RBFOX1: variants seen among roughly 807,000 people sequenced by gnomAD.
RBFOX1 encodes RNA binding fox-1 homolog 1.
In RBFOX1, 8 loss-of-function variants were observed where a neutral mutation model predicts 57.7. That is an observed-to-expected ratio of 0.14 (90% confidence interval 0.08 to 0.25). RBFOX1 has a LOEUF of 0.25. Among genes scored for constraint, RBFOX1 ranks in the 10% least tolerant of loss-of-function variants. RBFOX1 has a pLI of 1.00. For missense variants in RBFOX1, 611 were observed against 548.5 expected (o/e 1.11, Z -1.14); for synonymous variants, 326 against 222.4 (o/e 1.47, Z -4.15).
intron 3 of RBFOX1, among the ~76,000 whole-genome samples, chr16:5,747,392 G>A: frequency 6.6e-6 from 1 of 152,150 alleles, no homozygotes; most frequent in Non-Finnish European, 1.5e-5. Context: ...GATGACGCTG[G>A]CCTCATAAAA....
intron 1 of RBFOX1, among the ~76,000 whole-genome samples, chr16:5,280,165 G>A (rs1480058765): frequency 1.3e-5 from 2 of 152,214 alleles, no homozygotes; most frequent in African/African-American, 4.8e-5. Flanking sequence ...GTTTTACTGA[G>A]TGATTTTTCT....
chr16:6,601,818 G>A (rs185569319), intron 2 of RBFOX1, among the ~76,000 whole-genome samples: 89 of 152,290 alleles, frequency 5.8e-4, no homozygotes, highest in African/African-American at 1.9e-3. Context: ...AGTGCTGCCC[G>A]CATGGAATTG....
chr16:7,676,986 C>G (rs190838972), intron 14 of RBFOX1, 148 bp downstream of exon 14: 12,036 of 708,372 alleles, frequency 0.017, 173 homozygotes, highest in Non-Finnish European at 0.02. Context: ...AACGTGAACT[C>G]AAGTCCCCAT....
chr16:7,190,705 C>G (rs1302932790), intron 4 of RBFOX1, among the ~76,000 whole-genome samples: 1 of 147,880 alleles, frequency 6.8e-6, no homozygotes, highest in Non-Finnish European at 1.5e-5. Flanking sequence ...CATCAACAAA[C>G]AGATCCACTG....
At chr16:6,296,506 C>T (rs1057073165) in intron 1 of RBFOX1, among the ~76,000 whole-genome samples, 15 of 151,738 alleles carry the variant, frequency 9.9e-5, no homozygotes, top group South Asian at 8.3e-4. Flanking sequence ...CTGCAAGCTC[C>T]GCCTCCCGGG....
At chr16:5,358,160 G>A (rs888991912) in intron 1 of RBFOX1, among the ~76,000 whole-genome samples, 6 of 151,888 alleles carry the variant, frequency 4.0e-5, no homozygotes, top group Non-Finnish European at 8.8e-5. Context: ...GCAACCTTTG[G>A]CTTGCCGTTC....
At position 7,155,728 on chromosome 16, in the gene RBFOX1, T is replaced by C. The variant is rs1195629188; in HGVS notation, c.27+103630T>C. ...AAAAAAAAAAATATATATATATATA[T>C]ATATATATATACACACACACACACA... On this transcript the variant is annotated intron_variant, in intron 4 of 15. Coordinates refer to ENST00000550418, the MANE Select transcript of RBFOX1 (RefSeq NM_018723.4). 3.4e-3 allele frequency among the ~76,000 whole-genome samples: 341 copies of C among 101,288 alleles called. 3 individuals carry two copies. The highest frequency in any genetic ancestry group is 0.013 in the African/African-American group (236 of 18,428). 66.4% of individuals were successfully genotyped at this position (101,288 alleles called of 152,430 possible).
At chr16:5,382,424 C>A (rs992080177) in intron 1 of RBFOX1, among the ~76,000 whole-genome samples, 1 of 151,106 alleles carries the variant, frequency 6.6e-6, no homozygotes, top group East Asian at 1.9e-4. Flanking sequence ...GTTGCCAACA[C>A]TATTTTTAAG....
chr16:5,330,213 C>CAGTTGCATAG (rs2064712423), intron 1 of RBFOX1, among the ~76,000 whole-genome samples: 1 of 152,138 alleles, frequency 6.6e-6, no homozygotes, highest in Admixed American at 6.5e-5. Context: ...TAGTCCATTG[C>CAGTTGCATAG]AGTTGCATAG....
At chr16:6,387,871 G>C (rs567770939) in intron 2 of RBFOX1, among the ~76,000 whole-genome samples, 39 of 151,920 alleles carry the variant, frequency 2.6e-4, no homozygotes, top group Admixed American at 3.3e-4. Flanking sequence ...CAAGTGTGTG[G>C]CTTCCACCTG....
At chr16:5,613,701 T>C (rs552148316) in intron 3 of RBFOX1, among the ~76,000 whole-genome samples, 1 of 152,196 alleles carries the variant, frequency 6.6e-6, no homozygotes, top group South Asian at 2.1e-4. Flanking sequence ...CATCACTGAG[T>C]GGAAAGCTCA....
Position 5,474,642 on chromosome 16 carries a change from G to A in RBFOX1, c.258+7388G>A, listed in dbSNP as rs150110686. On this transcript the variant is annotated intron_variant, in intron 2 of 2. Coordinates refer to the RBFOX1 transcript ENST00000585867. The stretch of plus-strand genomic sequence containing the variant: ...GCACTCCAGCCTGGGGGACAAGAGC[G>A]AGACTTCGTCTCAAAAAAAAAAAAA... Among the ~76,000 whole-genome samples, 1,130 of 151,196 alleles carry A rather than the reference G, an allele frequency of 7.5e-3. 13 individuals are homozygous for A. The highest frequency in any genetic ancestry group is 0.026 in the African/African-American group (1,060 of 41,032).
At chr16:6,063,055 T>C (rs1284078619) in intron 1 of RBFOX1, among the ~76,000 whole-genome samples, 1 of 152,204 alleles carries the variant, frequency 6.6e-6, no homozygotes, top group African/African-American at 2.4e-5. Context: ...GCTGTGATGA[T>C]AGATGTCATT....
intron 4 of RBFOX1, among the ~76,000 whole-genome samples, chr16:5,972,923 A>G (rs1275663211): frequency 6.6e-6 from 1 of 152,196 alleles, no homozygotes; most frequent in Non-Finnish European, 1.5e-5. Flanking sequence ...GCTTTTCCAC[A>G]GACAAAAACA....
intron 3 of RBFOX1, among the ~76,000 whole-genome samples, chr16:6,858,620 C>A (rs776539212): frequency 1.3e-5 from 2 of 152,016 alleles, no homozygotes; most frequent in Non-Finnish European, 2.9e-5. Flanking sequence ...GAGACTCAGA[C>A]GATTTCATTT....
chr16:7,544,287 A>C (rs762625636), intron 5 of RBFOX1, among the ~76,000 whole-genome samples: 1 of 152,210 alleles, frequency 6.6e-6, no homozygotes, highest in Non-Finnish European at 1.5e-5. Context: ...TGTGTGTCTG[A>C]TTACTTACTG....
chr16:7,087,326 G>T (rs1453569803), intron 4 of RBFOX1, among the ~76,000 whole-genome samples: 1 of 152,130 alleles, frequency 6.6e-6, no homozygotes, highest in African/African-American at 2.4e-5. Flanking sequence ...TGGGGCTTCC[G>T]TGAATCTCCC....
chr16:7,632,417 G>A (rs2061124294), intron 11 of RBFOX1, among the ~76,000 whole-genome samples: 1 of 152,130 alleles, frequency 6.6e-6, no homozygotes, highest in Non-Finnish European at 1.5e-5. Flanking sequence ...ATTTTCACAT[G>A]TCCAGCCTTG....
chr16:5,964,553 G>A (rs1227561747), intron 4 of RBFOX1, among the ~76,000 whole-genome samples: 1 of 151,758 alleles, frequency 6.6e-6, no homozygotes, highest in African/African-American at 2.4e-5. Context: ...AGATATATAT[G>A]TATATGTGTA....
Sources: allele counts gnomAD v4.1 joint callset (sites outside exome capture counted in the v4.1 genomes callset), GRCh38; gene constraint gnomAD v4.1.1; transcripts MANE v1.5; gene names NCBI Gene and HGNC (gene_info 2026-07-23, HGNC 2026-07-21).